The following TRAPPC8 variants were observed in gnomAD, a reference collection of about 807,000 sequenced individuals.
TRAPPC8 encodes the protein trafficking protein particle complex subunit 8.
A neutral mutation model predicts 174.3 loss-of-function variants in TRAPPC8; 54 were observed. The observed-to-expected ratio is 0.31, with a 90% CI of 0.25 to 0.39. TRAPPC8 has a LOEUF of 0.39. Among genes scored for constraint, TRAPPC8 ranks in the 10% least tolerant of loss-of-function variants. The pLI is 1.00. For synonymous variants in TRAPPC8, 630 were observed against 579.9 expected, an observed-to-expected ratio of 1.09 and a Z score of -1.24; for missense variants, 1,531 against 1,699.1, an observed-to-expected ratio of 0.90 and a Z score of 1.74.
chr18:31,938,216 TACC>T (rs2038186223), intron 1 of TRAPPC8, among the ~76,000 whole-genome samples: 1 of 152,054 alleles, frequency 6.6e-6, no homozygotes, highest in Non-Finnish European at 1.5e-5. Context: ...TTAATATTAA[TACC>T]ACGACTCTTT....
At chr18:31,876,229 G>A (rs1345716086) in intron 12 of TRAPPC8, among the ~76,000 whole-genome samples, 1 of 151,886 alleles carries the variant, frequency 6.6e-6, no homozygotes, top group Non-Finnish European at 1.5e-5. Context: ...GGTGGCTCAC[G>A]CCTGTAATCC....
Position 31,873,364 on chromosome 18 carries a change from G to T in TRAPPC8, c.2062+66C>A. On this transcript the variant is annotated intron_variant, in intron 14 of 28. Coordinates refer to ENST00000283351, the MANE Select transcript of TRAPPC8 (RefSeq NM_014939.5). ...TCAACTATACATCGTTTTTTAAATG[G>T]AGAAAGGAAAAGAAGTTTTTTTTAA... is the stretch of plus-strand genomic sequence containing the variant. The T allele has an allele frequency of 2.3e-6, 3 of 1,314,050 alleles. No homozygotes were observed. The South Asian group carries it at 4.0e-5, about 17-fold the overall frequency. 81.4% of individuals were successfully genotyped at this position (1,314,050 alleles called of 1,614,324 possible). A position where few individuals can be genotyped will look rare whatever the true frequency, so the allele number is the denominator to read the frequency against.
Position 31,871,031 on chromosome 18 carries a change from C to A in TRAPPC8, c.2152G>T (p.Val718Phe). The A allele has an allele frequency of 6.2e-7, 1 of 1,611,186 alleles. No homozygotes were observed. Among genetic ancestry groups the A allele is most frequent in the Non-Finnish European group, 8.5e-7 (1 of 1,178,260 alleles). Residue 718 changes from valine (V) to phenylalanine (F), a missense_variant, in exon 15 of 29, where the codon GTT becomes TTT. Val to Phe is a conservative substitution (Grantham distance 50, BLOSUM62 -1). Coordinates refer to ENST00000283351, the MANE Select transcript of TRAPPC8 (RefSeq NM_014939.5). The stretch of plus-strand genomic sequence containing the variant: ...ATTACTCCTTTGTTAACCACAGAAA[C>A]AACTTGTTCCTCAAGTTCTCGCCAC... ...QQWRELEEQVVSVVNKGVIPS... is the reference protein window; with the variant it reads ...QQWRELEEQVFSVVNKGVIPS...
intron 1 of TRAPPC8, among the ~76,000 whole-genome samples, chr18:31,936,122 G>A (rs539116203): frequency 5.3e-5 from 8 of 152,118 alleles, no homozygotes; most frequent in Admixed American, 4.6e-4. Context: ...GGCTAAGGTA[G>A]GAGGATCTTG....
intron 9 of TRAPPC8, among the ~76,000 whole-genome samples, chr18:31,906,613 T>A (rs2036672083): frequency 6.6e-6 from 1 of 152,240 alleles, no homozygotes; most frequent in African/African-American, 2.4e-5. Flanking sequence ...GTAACAGTGC[T>A]AATTTTACTC....
At position 31,866,927 on chromosome 18, in the gene TRAPPC8, C is replaced by G. The variant is rs751954923; in HGVS notation, c.2512G>C (p.Gly838Arg). 1.2e-6 allele frequency: 2 copies of G among 1,613,698 alleles called. No homozygotes were observed. The highest frequency in any genetic ancestry group is 3.3e-5 in the Admixed American group (2 of 60,006). Residue 838 changes from glycine (G) to arginine (R), a missense_variant, in exon 18 of 29, where the codon GGA becomes CGA. Coordinates refer to ENST00000283351, the MANE Select transcript of TRAPPC8 (RefSeq NM_014939.5). ...PHHIGELHIL[G>R]VVYNLGTIQG... The stretch of plus-strand genomic sequence containing the variant: ...ATAGTGCCAAGATTATAAACAACTC[C>G]CAGAATATGCAGCTCCCCTATGTGA...
At chr18:31,857,379 G>T (rs2034077298) in intron 20 of TRAPPC8, among the ~76,000 whole-genome samples, 161 bp downstream of exon 20, 1 of 152,070 alleles carries the variant, frequency 6.6e-6, no homozygotes, top group Admixed American at 6.6e-5. Context: ...TGGGTACCTA[G>T]AACTTACAGT....
intron 2 of TRAPPC8, among the ~76,000 whole-genome samples, chr18:31,918,388 G>T (rs1286780795): frequency 6.6e-6 from 1 of 152,120 alleles, no homozygotes; most frequent in African/African-American, 2.4e-5. Context: ...GCCATAAGTA[G>T]ATCTTTTTCA....
At chr18:31,871,587 G>A (rs947979509) in intron 14 of TRAPPC8, among the ~76,000 whole-genome samples, 1 of 151,892 alleles carries the variant, frequency 6.6e-6, no homozygotes, top group African/African-American at 2.4e-5. Context: ...GTATTCCAAA[G>A]TTAAAGTGTA....
chr18:31,891,337 T>A (rs2035946724), intron 11 of TRAPPC8: 1 of 152,222 alleles, frequency 6.6e-6, no homozygotes, highest in Non-Finnish European at 1.5e-5. Context: ...TATTTCATTC[T>A]CTGTAAAATT....
chr18:31,916,231 C>A lies in TRAPPC8; in HGVS notation c.617+41G>T, dbSNP rs1428574506. On this transcript the variant is annotated intron_variant, in intron 4 of 28. Coordinates refer to ENST00000283351, the MANE Select transcript of TRAPPC8 (RefSeq NM_014939.5). ...AGCTATCTCCAAATTAATGTTAAAT[C>A]ATTTAACTGGAAAAAATTTAAAACT... The A allele has an allele frequency of 4.4e-6, 6 of 1,377,954 alleles. No homozygotes were observed. The African/African-American group carries it at 4.5e-5, about 10-fold the overall frequency. The allele number at this position is 1,377,954 out of a possible 1,614,324, so 85.4% of individuals were successfully genotyped here.
chr18:31,938,474 T>C (rs2038197809), intron 1 of TRAPPC8, among the ~76,000 whole-genome samples: 1 of 152,172 alleles, frequency 6.6e-6, no homozygotes, highest in Admixed American at 6.5e-5. Context: ...AACTGTATTT[T>C]GAAGGCCCTA....
At chr18:31,836,394 G>GT (rs1458301978) in intron 27 of TRAPPC8, among the ~76,000 whole-genome samples, 4 of 152,074 alleles carry the variant, frequency 2.6e-5, no homozygotes, top group African/African-American at 9.7e-5. Context: ...ATTCCATAGG[G>GT]TTTTTTAACC....
In TRAPPC8 at chr18:31,931,331, C is replaced by T. The variant is rs763937295; in HGVS notation, c.350G>A (p.Ser117Asn). ...ITAGDYDLNISATTPWFESYR... is the reference protein window; with the variant it reads ...ITAGDYDLNINATTPWFESYR... Reference sequence around the variant, plus strand: ...TAACAATAAACCTTGTTACATACCACTGATGTTAAGGTCATAATCTCCTGC... The same window carrying T: ...TAACAATAAACCTTGTTACATACCATTGATGTTAAGGTCATAATCTCCTGC... The change falls in exon 2 of 29, where the codon AGT becomes AAT. Residue 117 changes from serine to asparagine, a missense_variant and splice_region_variant. By Grantham distance (46) the Ser-to-Asn change is conservative. Transcript: ENST00000283351. 6.4e-7 allele frequency: 1 copy of T among 1,551,720 alleles called. No individual in the cohort carries two copies. Among genetic ancestry groups the T allele is most frequent in the Non-Finnish European group, 8.7e-7 (1 of 1,148,674 alleles).
chr18:31,834,006 AAAAAAAAC>A (rs1568025477), intron 27 of TRAPPC8, among the ~76,000 whole-genome samples: 1 of 151,022 alleles, frequency 6.6e-6, no homozygotes, highest in African/African-American at 2.4e-5. Context: ...CGTCTCAAAA[AAAAAAAAC>A]AAAAAACAGA....
At chr18:31,895,575 G>A (rs1598694080) in intron 11 of TRAPPC8, among the ~76,000 whole-genome samples, 1 of 152,182 alleles carries the variant, frequency 6.6e-6, no homozygotes, top group Admixed American at 6.5e-5. Context: ...AATGCAGACA[G>A]GAGAACTTGC....
rs186257969 is a variant in TRAPPC8 at position 31,858,666 on chromosome 18, A to T, written c.2746-684T>A. Among the ~76,000 whole-genome samples the T allele has an allele frequency of 7.5e-3, 1,135 of 152,348 alleles. 16 individuals are homozygous for T. The highest frequency in any genetic ancestry group is 0.026 in the African/African-American group (1,063 of 41,576). ...CTTCACACACACACTTCTAAAAAAA[A>T]TTTTTAAATTGATTTCCAACACACA... is the stretch of plus-strand genomic sequence containing the variant. On this transcript the variant is annotated intron_variant, in intron 19 of 28. Transcript: ENST00000283351.
Position 31,913,501 on chromosome 18 carries a change from T to G in TRAPPC8, c.639A>C (p.Glu213Asp). Residue 213 changes from glutamate (E) to aspartate (D), a missense_variant, in exon 5 of 29, where the codon GAA (glutamate) becomes GAC (aspartate). By Grantham distance (45) the Glu-to-Asp change is conservative. Transcript: ENST00000283351. ...DEQRAESIYE[E>D]MKQKYGTQGC... ...CCTGAGTTCCATATTTCTGTTTCAT[T>G]TCTTCATAAATTGATTCAGCTCTAA... 1 of 1,596,640 alleles carries G rather than the reference T, an allele frequency of 6.3e-7. No individual in the cohort carries two copies. Among genetic ancestry groups the G allele is most frequent in the East Asian group, 2.2e-5 (1 of 44,704 alleles).
chr18:31,898,148 T>C (rs1433028118), intron 10 of TRAPPC8, among the ~76,000 whole-genome samples: 1 of 152,172 alleles, frequency 6.6e-6, no homozygotes, highest in East Asian at 1.9e-4. Flanking sequence ...CCTACTACAA[T>C]GTAAATACTA....
Sources: allele counts gnomAD v4.1 joint callset (sites outside exome capture counted in the v4.1 genomes callset), GRCh38; gene constraint gnomAD v4.1.1; transcripts MANE v1.5; gene names NCBI Gene and HGNC (gene_info 2026-07-23, HGNC 2026-07-21).